The following AGBL3 variants were observed in gnomAD, a reference collection of about 807,000 sequenced individuals.
AGBL3 encodes AGBL carboxypeptidase 3.
AGBL3 carries 68 observed loss-of-function variants against 94.5 expected under a neutral mutation model. That is an observed-to-expected ratio of 0.72 (90% confidence interval 0.59 to 0.88). The LOEUF (loss-of-function observed/expected upper bound fraction) is 0.88. Ranked by LOEUF, AGBL3 falls within the 40% of genes least tolerant of loss-of-function variation. The pLI, the probability that AGBL3 is intolerant of heterozygous loss-of-function variation, is 0.00. For missense variants in AGBL3, 934 were observed against 1,103.8 expected, an observed-to-expected ratio of 0.85 and a Z score of 2.18; for synonymous variants, 354 against 370.7, an observed-to-expected ratio of 0.95 and a Z score of 0.52.
At chr7:134,986,998 C>T (rs1294942015) in intron 1 of AGBL3, among the ~76,000 whole-genome samples, 1 of 152,272 alleles carries the variant, frequency 6.6e-6, no homozygotes, top group Non-Finnish European at 1.5e-5. Context: ...GCACTTCGTG[C>T]GCCCTGTGTG....
chr7:135,088,257 A>T (rs575549976), intron 15 of AGBL3, among the ~76,000 whole-genome samples: 1 of 152,214 alleles, frequency 6.6e-6, no homozygotes, highest in South Asian at 2.1e-4. Flanking sequence ...TTTAAAATCC[A>T]TTCAGTCTAT....
chr7:135,110,583 C>T (rs1563276456), intron 15 of AGBL3, among the ~76,000 whole-genome samples: 1 of 152,160 alleles, frequency 6.6e-6, no homozygotes, highest in Non-Finnish European at 1.5e-5. Context: ...CTTCCTTGGG[C>T]AGGGGAGGCT....
At chr7:134,996,866 AGTGTG>A (rs905794210) in intron 4 of AGBL3, among the ~76,000 whole-genome samples, 21 of 152,316 alleles carry the variant, frequency 1.4e-4, no homozygotes, top group African/African-American at 4.8e-4. Flanking sequence ...ATAGTTTATG[AGTGTG>A]GTCAGGGGTC....
chr7:135,062,199 T>C (rs1250224197), intron 12 of AGBL3, among the ~76,000 whole-genome samples: 1 of 152,094 alleles, frequency 6.6e-6, no homozygotes, highest in Non-Finnish European at 1.5e-5. Flanking sequence ...TTAGATAGTT[T>C]GTTATTAATC....
intron 16 of AGBL3, among the ~76,000 whole-genome samples, chr7:135,122,415 G>A (rs1043089552): frequency 6.6e-6 from 1 of 152,174 alleles, no homozygotes; most frequent in Non-Finnish European, 1.5e-5. Flanking sequence ...AGCGGGAGGG[G>A]TGACCACAGT....
At chr7:135,056,341 T>C (rs1818348463) in intron 11 of AGBL3, among the ~76,000 whole-genome samples, 1 of 152,160 alleles carries the variant, frequency 6.6e-6, no homozygotes, top group Non-Finnish European at 1.5e-5. Flanking sequence ...GGATTGTTCA[T>C]TTTAAAGCTT....
chr7:135,042,712 C>A lies in AGBL3; in HGVS notation c.1501-1313C>A, dbSNP rs540586414. Among the ~76,000 whole-genome samples the A allele has an allele frequency of 5.7e-4, 86 of 152,160 alleles. No individual in the cohort carries two copies. In the Middle Eastern group the frequency reaches 0.014, roughly 24 times the overall value. ...ATGGCATGAGGCCAGGAATTTGAGA[C>A]CAGCCTGAGCAACATAGCAAGACCC... On this transcript the variant is annotated intron_variant, in intron 8 of 16. Coordinates refer to ENST00000436302, the MANE Select transcript of AGBL3 (RefSeq NM_178563.4).
At chr7:135,069,377 A>C (rs1197895087) in intron 12 of AGBL3, among the ~76,000 whole-genome samples, 2 of 152,268 alleles carry the variant, frequency 1.3e-5, no homozygotes, top group Non-Finnish European at 2.9e-5. Flanking sequence ...AAGCAGACCT[A>C]ACAGACATCT....
In AGBL3 at chr7:135,002,718, A is replaced by G. The variant is rs1157988258; in HGVS notation, c.310+9040A>G. Among the ~76,000 whole-genome samples the G allele has an allele frequency of 3.9e-5, 6 of 152,282 alleles. No individual in the cohort carries two copies. The East Asian group carries it at 1.2e-3, about 29-fold the overall frequency. ...ACCTAGGCCATCTGAGTGCTGCACA[A>G]TGAGAGTACCTATTTTCCCATACTC... On this transcript the variant is annotated intron_variant, in intron 4 of 16. Transcript: ENST00000436302.
chr7:135,034,617 C>CACT lies in AGBL3; in HGVS notation c.1029_1031dup (p.Thr344dup). 6.4e-7 allele frequency: 1 copy of CACT among 1,551,688 alleles called. No homozygotes were observed. The highest frequency in any genetic ancestry group is 8.7e-7 in the Non-Finnish European group (1 of 1,146,984). Reference sequence around the variant, plus strand: ...GGAACATGGTGTATATTTTAACAATCACTACCCCCTTGAAGAACTCTGACT... The same window carrying CACT: ...GGAACATGGTGTATATTTTAACAATCACTACTACCCCCTTGAAGAACTCTGACT... On this transcript the variant is annotated inframe_insertion, in exon 7 of 17. Transcript: ENST00000436302.
chr7:135,046,760 TATAA>T (rs1017357224), intron 11 of AGBL3, among the ~76,000 whole-genome samples: 1 of 152,122 alleles, frequency 6.6e-6, no homozygotes, highest in African/African-American at 2.4e-5. Context: ...TTTTGGCAAT[TATAA>T]ATAAAGCTGC....
intron 12 of AGBL3, among the ~76,000 whole-genome samples, chr7:135,063,455 T>G (rs1819016683): frequency 6.6e-6 from 1 of 152,168 alleles, no homozygotes; most frequent in African/African-American, 2.4e-5. Context: ...GAACTTGTTT[T>G]TCCTTTTTTT....
chr7:135,098,271 A>C (rs1485843595), intron 15 of AGBL3, among the ~76,000 whole-genome samples: 1 of 152,198 alleles, frequency 6.6e-6, no homozygotes, highest in East Asian at 1.9e-4. Flanking sequence ...CAAAATCTGC[A>C]TATGCTCAAG....
chr7:135,066,163 G>T (rs1397212277), intron 12 of AGBL3, among the ~76,000 whole-genome samples: 1 of 152,056 alleles, frequency 6.6e-6, no homozygotes, highest in African/African-American at 2.4e-5. Flanking sequence ...GTACAACCAA[G>T]AAAATATTTA....
At chr7:135,130,890 C>T (rs1667376178) in intron 16 of AGBL3, among the ~76,000 whole-genome samples, 1 of 151,888 alleles carries the variant, frequency 6.6e-6, no homozygotes, top group African/African-American at 2.4e-5. Flanking sequence ...AATTGTCTTT[C>T]GTTATCGTTG....
At chr7:135,069,525 C>G (rs1819680758) in intron 12 of AGBL3, among the ~76,000 whole-genome samples, 1 of 152,222 alleles carries the variant, frequency 6.6e-6, no homozygotes, top group Admixed American at 6.5e-5. Context: ...AACAAACTGT[C>G]TCTCAGACCA....
intron 8 of AGBL3, among the ~76,000 whole-genome samples, chr7:135,040,868 GCACACACACACACACACCACACACA>G (rs149657747): frequency 0.37 from 55,382 of 148,558 alleles, 10,418 homozygotes; most frequent in South Asian, 0.51. Flanking sequence ...AGTGATCCAT[GCACACACACACACACACCACACACA>G]CACACACACA....
At chr7:135,098,398 T>C (rs1319285147) in intron 15 of AGBL3, among the ~76,000 whole-genome samples, 1 of 152,190 alleles carries the variant, frequency 6.6e-6, no homozygotes, top group Non-Finnish European at 1.5e-5. Context: ...ATGTAAAAAG[T>C]TGTAAGACTA....
At chr7:134,997,341 G>GT (rs1398951894) in intron 4 of AGBL3, among the ~76,000 whole-genome samples, 5 of 152,186 alleles carry the variant, frequency 3.3e-5, no homozygotes, top group African/African-American at 4.8e-5. Context: ...TGGCCTCAGG[G>GT]TTGGGGACAC....
Sources: allele counts gnomAD v4.1 joint callset (sites outside exome capture counted in the v4.1 genomes callset), GRCh38; gene constraint gnomAD v4.1.1; transcripts MANE v1.5; gene names NCBI Gene and HGNC (gene_info 2026-07-23, HGNC 2026-07-21).